Variants in ASAP1 observed in about 807,000 individuals in gnomAD.
The protein encoded by ASAP1 is ArfGAP with SH3 domain, ankyrin repeat and PH domain 1, also known as arf-GAP with SH3 domain, ANK repeat and PH domain-containing protein 1.
In ASAP1, 43 loss-of-function variants were observed where a neutral mutation model predicts 145.2. The observed-to-expected ratio is 0.30, with a 90% CI of 0.23 to 0.38. The LOEUF is 0.38. Among genes scored for constraint, ASAP1 ranks in the 10% least tolerant of loss-of-function variants. ASAP1 has a pLI of 1.00. For synonymous variants in ASAP1, 546 were observed against 515.5 expected (o/e 1.06, Z -0.80); for missense variants, 1,018 against 1,355.3 (o/e 0.75, Z 3.91).
chr8:130,131,213 C>T (rs552391717), intron 15 of ASAP1, among the ~76,000 whole-genome samples: 3 of 152,006 alleles, frequency 2.0e-5, no homozygotes, highest in Non-Finnish European at 2.9e-5. Flanking sequence ...GCCAGCAGAG[C>T]CTGGACAAGA....
At chr8:130,326,696 C>T (rs1220850049) in intron 3 of ASAP1, among the ~76,000 whole-genome samples, 1 of 152,198 alleles carries the variant, frequency 6.6e-6, no homozygotes, top group East Asian at 1.9e-4. Context: ...GGGTTCTACA[C>T]TTTGAATGCA....
intron 2 of ASAP1, among the ~76,000 whole-genome samples, chr8:130,386,054 T>C (rs1055192048): frequency 6.6e-6 from 1 of 152,144 alleles, no homozygotes; most frequent in African/African-American, 2.4e-5. Flanking sequence ...TCCAGAGATT[T>C]TGCAAAATCT....
At chr8:130,238,176 T>A (rs1818322718) in intron 3 of ASAP1, among the ~76,000 whole-genome samples, 1 of 152,048 alleles carries the variant, frequency 6.6e-6, no homozygotes, top group Non-Finnish European at 1.5e-5. Context: ...GACCCCAGTG[T>A]CTGGCCAGGT....
At chr8:130,421,251 T>C (rs1565302414) in intron 1 of ASAP1, among the ~76,000 whole-genome samples, 1 of 152,194 alleles carries the variant, frequency 6.6e-6, no homozygotes, top group Non-Finnish European at 1.5e-5. Flanking sequence ...CTCTCCAGAC[T>C]AGGGGTTGGC....
intron 17 of ASAP1, among the ~76,000 whole-genome samples, chr8:130,125,276 G>A (rs945953879): frequency 1.3e-5 from 2 of 152,042 alleles, no homozygotes; most frequent in African/African-American, 4.8e-5. Flanking sequence ...CTACTTGGGG[G>A]ATGCCAAGTA....
intron 4 of ASAP1, among the ~76,000 whole-genome samples, chr8:130,224,066 TG>T (rs1193949685): frequency 5.9e-5 from 9 of 152,128 alleles, no homozygotes; most frequent in Non-Finnish European, 1.5e-5. Flanking sequence ...CTTGCCAAGG[TG>T]GGGGTCCCAG....
intron 7 of ASAP1, among the ~76,000 whole-genome samples, chr8:130,185,070 G>A (rs769517049): frequency 1.3e-4 from 20 of 152,148 alleles, no homozygotes; most frequent in Non-Finnish European, 2.5e-4. Flanking sequence ...GAACTTTTTT[G>A]TGTGGAGTCA....
At chr8:130,359,622 T>TG (rs1297203776) in intron 2 of ASAP1, among the ~76,000 whole-genome samples, 5 of 149,300 alleles carry the variant, frequency 3.3e-5, no homozygotes, top group African/African-American at 7.4e-5. Context: ...TGCACTGTTT[T>TG]TTTTTTTTTT....
intron 3 of ASAP1, among the ~76,000 whole-genome samples, chr8:130,277,991 AAGT>A (rs1323698546): frequency 6.6e-6 from 1 of 152,146 alleles, no homozygotes; most frequent in Admixed American, 6.5e-5. Flanking sequence ...AAGAAATCCA[AAGT>A]AGTATGGTTC....
intron 27 of ASAP1, among the ~76,000 whole-genome samples, chr8:130,063,586 C>T (rs7462417): frequency 0.88 from 133,624 of 152,090 alleles, 58,843 homozygotes; most frequent in East Asian, 0.96. Flanking sequence ...AGAGAGGAGA[C>T]TGGCCTTCTT....
intron 9 of ASAP1, among the ~76,000 whole-genome samples, chr8:130,173,151 C>T (rs1042053334): frequency 6.6e-6 from 1 of 152,158 alleles, no homozygotes; most frequent in South Asian, 2.1e-4. Context: ...AAGCCCCTTG[C>T]AGAAAGTAAT....
At chr8:130,058,281 C>G (rs1203337516) in intron 28 of ASAP1, among the ~76,000 whole-genome samples, 5 of 152,186 alleles carry the variant, frequency 3.3e-5, no homozygotes, top group Admixed American at 1.3e-4. Context: ...CCTCTCCCCC[C>G]ATCATCAGGG....
chr8:130,097,625 T>A (rs2097521320), intron 24 of ASAP1, among the ~76,000 whole-genome samples: 1 of 152,188 alleles, frequency 6.6e-6, no homozygotes, highest in South Asian at 2.1e-4. Flanking sequence ...GCTCAGGAAG[T>A]GCACCCAGGC....
intron 3 of ASAP1, among the ~76,000 whole-genome samples, chr8:130,295,972 A>C (rs1326128846): frequency 6.6e-6 from 1 of 152,218 alleles, no homozygotes; most frequent in Non-Finnish European, 1.5e-5. Flanking sequence ...TAGCACCCAG[A>C]ATGCCACCCA....
At chr8:130,217,204 C>T (rs528667834) in intron 4 of ASAP1, among the ~76,000 whole-genome samples, 380 of 152,194 alleles carry the variant, frequency 2.5e-3, no homozygotes, top group Non-Finnish European at 3.9e-3. Flanking sequence ...TCTGTTGTGG[C>T]GCACAGAGAA....
intron 13 of ASAP1, among the ~76,000 whole-genome samples, chr8:130,148,590 G>A (rs564989951): frequency 2.0e-5 from 3 of 152,300 alleles, no homozygotes; most frequent in Admixed American, 1.3e-4. Flanking sequence ...TAAACAGAAT[G>A]TGACACTGGT....
intron 2 of ASAP1, among the ~76,000 whole-genome samples, chr8:130,386,082 T>C (rs750792509): frequency 6.6e-6 from 1 of 152,186 alleles, no homozygotes; most frequent in Non-Finnish European, 1.5e-5. Context: ...AGAAGAGCTC[T>C]CTACCTGGTG....
chr8:130,136,019 A>G (rs1160682444), intron 14 of ASAP1, among the ~76,000 whole-genome samples: 1 of 152,194 alleles, frequency 6.6e-6, no homozygotes, highest in Non-Finnish European at 1.5e-5. Context: ...TTCTATACAT[A>G]GATCATCCAC....
intron 1 of ASAP1, among the ~76,000 whole-genome samples, chr8:130,408,599 T>TA (rs1829134165): frequency 6.6e-6 from 1 of 152,170 alleles, no homozygotes; most frequent in Non-Finnish European, 1.5e-5. Context: ...TCAATTCCAC[T>TA]TATTATAAGG....
Sources: allele counts gnomAD v4.1 joint callset (sites outside exome capture counted in the v4.1 genomes callset), GRCh38; gene constraint gnomAD v4.1.1; transcripts MANE v1.5; gene names NCBI Gene and HGNC (gene_info 2026-07-23, HGNC 2026-07-21).